The following LRRC4C variants were observed in gnomAD, a reference collection of about 807,000 sequenced individuals.
LRRC4C encodes leucine-rich repeat-containing protein 4C.
In LRRC4C, 5 loss-of-function variants were observed where a neutral mutation model predicts 33.6. The observed-to-expected ratio is 0.15, with a 90% CI of 0.08 to 0.31. The LOEUF is 0.31. LRRC4C is among the 10% of genes least tolerant of loss of function. The pLI is 1.00. For synonymous variants in LRRC4C, 329 were observed against 302.0 expected (o/e 1.09, Z -0.93); for missense variants, 560 against 796.7 (o/e 0.70, Z 3.58).
intron 2 of LRRC4C, among the ~76,000 whole-genome samples, chr11:40,889,381 C>T (rs1955602423): frequency 6.6e-6 from 1 of 152,012 alleles, no homozygotes; most frequent in South Asian, 2.1e-4. Context: ...AAATATACAT[C>T]TCCAAGAATA....
chr11:40,727,772 G>C (rs1947356377), intron 2 of LRRC4C, among the ~76,000 whole-genome samples: 1 of 152,084 alleles, frequency 6.6e-6, no homozygotes. Flanking sequence ...TACAAGGCTG[G>C]GTGCGATGAC....
intron 2 of LRRC4C, among the ~76,000 whole-genome samples, chr11:40,770,075 C>A (rs1565039127): frequency 6.6e-6 from 1 of 152,072 alleles, no homozygotes; most frequent in Non-Finnish European, 1.5e-5. Context: ...AAGAAACACA[C>A]AGAATGACAG....
At chr11:40,974,114 TC>T (rs1195994431) in intron 1 of LRRC4C, among the ~76,000 whole-genome samples, 7 of 152,220 alleles carry the variant, frequency 4.6e-5, no homozygotes, top group Non-Finnish European at 8.8e-5. Flanking sequence ...TTCACATTTT[TC>T]TCTTTCATCC....
intron 1 of LRRC4C, among the ~76,000 whole-genome samples, chr11:41,160,714 T>C (rs1944431533): frequency 1.3e-5 from 2 of 152,158 alleles, no homozygotes; most frequent in Non-Finnish European, 2.9e-5. Flanking sequence ...ATTTGTCCTT[T>C]CAGAATTCAT....
At chr11:41,348,278 C>T (rs1489015116) in intron 1 of LRRC4C, among the ~76,000 whole-genome samples, 1 of 152,046 alleles carries the variant, frequency 6.6e-6, no homozygotes, top group African/African-American at 2.4e-5. Flanking sequence ...AACTCCATTC[C>T]ATAAAACATA....
chr11:40,654,533 T>A (rs1022226702), intron 2 of LRRC4C, among the ~76,000 whole-genome samples: 3 of 152,196 alleles, frequency 2.0e-5, no homozygotes, highest in African/African-American at 7.2e-5. Context: ...TTCTCCCATT[T>A]TGAATGGGTG....
At chr11:40,433,469 C>T (rs1330355753) in intron 3 of LRRC4C, among the ~76,000 whole-genome samples, 1 of 151,888 alleles carries the variant, frequency 6.6e-6, no homozygotes, top group Non-Finnish European at 1.5e-5. Flanking sequence ...ATTTCAGAGC[C>T]TGTAGTTCAT....
At chr11:40,846,942 T>A (rs1429853857) in intron 2 of LRRC4C, among the ~76,000 whole-genome samples, 2 of 152,176 alleles carry the variant, frequency 1.3e-5, no homozygotes, top group Admixed American at 1.3e-4. Flanking sequence ...TGTTTGCTCA[T>A]GATTTGGCTC....
At chr11:41,405,444 C>T (rs117821598) in intron 1 of LRRC4C, among the ~76,000 whole-genome samples, 1,660 of 152,190 alleles carry the variant, frequency 0.011, 16 homozygotes, top group Non-Finnish European at 0.016. Flanking sequence ...AATATTCAAT[C>T]TCTCCAGGTT....
At chr11:40,378,288 G>T (rs2137318380) in intron 3 of LRRC4C, among the ~76,000 whole-genome samples, 1 of 152,048 alleles carries the variant, frequency 6.6e-6, no homozygotes, top group South Asian at 2.1e-4. Context: ...TTGAGTGCTT[G>T]ATTTTTCTGG....
At chr11:40,545,593 G>T (rs774061335) in intron 3 of LRRC4C, among the ~76,000 whole-genome samples, 5 of 151,904 alleles carry the variant, frequency 3.3e-5, no homozygotes, top group Non-Finnish European at 5.9e-5. Flanking sequence ...AACGTTAGCA[G>T]CAGGAAGACC....
intron 3 of LRRC4C, among the ~76,000 whole-genome samples, chr11:40,388,824 T>C (rs1409625762): frequency 2.6e-5 from 4 of 152,196 alleles, no homozygotes; most frequent in Non-Finnish European, 4.4e-5. Flanking sequence ...GTTTTTGTCA[T>C]TGGGTCAATT....
At chr11:41,189,624 C>T (rs964959583) in intron 1 of LRRC4C, among the ~76,000 whole-genome samples, 5 of 152,112 alleles carry the variant, frequency 3.3e-5, no homozygotes, top group Non-Finnish European at 7.3e-5. Flanking sequence ...AAGGTTTACT[C>T]AGAGGGTATT....
chr11:40,410,186 A>C (rs967013385), intron 3 of LRRC4C, among the ~76,000 whole-genome samples: 1 of 152,056 alleles, frequency 6.6e-6, no homozygotes, highest in Non-Finnish European at 1.5e-5. Context: ...GTTGTATAAT[A>C]GAAATGTAAG....
intron 1 of LRRC4C, among the ~76,000 whole-genome samples, chr11:41,147,453 T>C (rs767855686): frequency 1.3e-5 from 2 of 152,244 alleles, no homozygotes; most frequent in African/African-American, 4.8e-5. Context: ...ATAAAAATTA[T>C]GCTTGGTACA....
chr11:40,958,674 A>T (rs1959062963), intron 1 of LRRC4C, among the ~76,000 whole-genome samples: 1 of 151,816 alleles, frequency 6.6e-6, no homozygotes, highest in Non-Finnish European at 1.5e-5. Context: ...TGACATCAGC[A>T]GTTATAGAGC....
intron 5 of LRRC4C, among the ~76,000 whole-genome samples, chr11:40,161,996 G>A (rs1309052229): frequency 6.6e-6 from 1 of 152,118 alleles, no homozygotes; most frequent in African/African-American, 2.4e-5. Flanking sequence ...AGGCTGAGAA[G>A]TCAAAGATCA....
At chr11:41,134,329 G>T (rs11036251) in intron 1 of LRRC4C, among the ~76,000 whole-genome samples, 5,615 of 152,116 alleles carry the variant, frequency 0.037, 128 homozygotes, top group East Asian at 0.07. Flanking sequence ...GTCTCAAACT[G>T]CTAGCCTCAA....
intron 2 of LRRC4C, among the ~76,000 whole-genome samples, chr11:40,827,143 A>G (rs192549816): frequency 3.3e-5 from 5 of 152,024 alleles, no homozygotes; most frequent in Non-Finnish European, 7.4e-5. Flanking sequence ...TTCCAATATG[A>G]TACAAGTAAT....
Sources: gnomAD v4.1 joint callset for allele counts (sites outside exome capture counted in the v4.1 genomes callset) on GRCh38, gnomAD v4.1.1 for gene constraint, MANE v1.5 for transcripts, NCBI Gene and HGNC (gene_info 2026-07-23, HGNC 2026-07-21) for gene names.